DAAM2: variants seen among roughly 807,000 people sequenced by gnomAD.
DAAM2 encodes dishevelled associated activator of morphogenesis 2, also known as disheveled-associated activator of morphogenesis 2.
DAAM2 carries 39 observed loss-of-function variants against 120.7 expected under a neutral mutation model. The ratio of observed to expected loss-of-function variants is 0.32; its 90% CI spans 0.25 to 0.42. The LOEUF is 0.42. Ranked by LOEUF, DAAM2 falls within the 10% of genes least tolerant of loss-of-function variation. The pLI is 1.00. For synonymous variants in DAAM2, 488 were observed against 524.9 expected, an observed-to-expected ratio of 0.93 and a Z score of 0.96; for missense variants, 1,283 against 1,401.7, an observed-to-expected ratio of 0.92 and a Z score of 1.35.
intron 11 of DAAM2, among the ~76,000 whole-genome samples, chr6:39,876,857 TGAAGAG>T (rs1321656847): frequency 6.6e-6 from 1 of 152,174 alleles, no homozygotes; most frequent in Non-Finnish European, 1.5e-5. Context: ...TCCGACCCTC[TGAAGAG>T]GCAGCCTGGG....
chr6:39,883,706 C>T (rs1765240294), intron 14 of DAAM2: 1 of 434,710 alleles, frequency 2.3e-6, no homozygotes, highest in African/African-American at 2.0e-5. Context: ...CAGCACCCCC[C>T]ATGATTTCTA....
chr6:39,858,725 G>A (rs1421596601), intron 2 of DAAM2, among the ~76,000 whole-genome samples: 1 of 152,160 alleles, frequency 6.6e-6, no homozygotes, highest in Non-Finnish European at 1.5e-5. Flanking sequence ...GAGACGTACT[G>A]GAGACAGTGG....
intron 1 of DAAM2, among the ~76,000 whole-genome samples, chr6:39,815,684 A>ACACC (rs1338441212): frequency 3.5e-5 from 5 of 143,344 alleles, no homozygotes; most frequent in Admixed American, 7.0e-5. Flanking sequence ...ACACACACAC[A>ACACC]CCGTTTACAC....
At chr6:39,795,709 G>T (rs1761679846) in intron 1 of DAAM2, among the ~76,000 whole-genome samples, 1 of 152,132 alleles carries the variant, frequency 6.6e-6, no homozygotes, top group Non-Finnish European at 1.5e-5. Context: ...CTAGTGGGTG[G>T]AGTTTCTAGG....
At chr6:39,801,200 A>G (rs750148671) in intron 1 of DAAM2, among the ~76,000 whole-genome samples, 11 of 152,196 alleles carry the variant, frequency 7.2e-5, no homozygotes, top group Non-Finnish European at 1.6e-4. Flanking sequence ...AATTGTTGGT[A>G]GCTATGTCAG....
intron 5 of DAAM2, 88 bp downstream of exon 5, chr6:39,865,162 C>G (rs975944546): frequency 1.3e-6 from 1 of 788,306 alleles, no homozygotes; most frequent in Non-Finnish European, 2.2e-6. Context: ...GTGCTCTGCT[C>G]CCATGCCGGT....
chr6:39,883,310 T>C (rs1048063394), intron 14 of DAAM2, among the ~76,000 whole-genome samples: 1 of 151,934 alleles, frequency 6.6e-6, no homozygotes, highest in Non-Finnish European at 1.5e-5. Flanking sequence ...CATATCCCAG[T>C]TGTAAAGGAT....
chr6:39,897,799 G>C (rs1766203877), intron 21 of DAAM2, among the ~76,000 whole-genome samples: 1 of 152,148 alleles, frequency 6.6e-6, no homozygotes, highest in African/African-American at 2.4e-5. Flanking sequence ...AAATCAAAAT[G>C]CGCATGCTTT....
chr6:39,808,627 A>G (rs939886628), intron 1 of DAAM2, among the ~76,000 whole-genome samples: 1 of 152,164 alleles, frequency 6.6e-6, no homozygotes, highest in African/African-American at 2.4e-5. Context: ...CAGCTCTTTC[A>G]TGTCCCTTAC....
intron 10 of DAAM2, among the ~76,000 whole-genome samples, chr6:39,874,239 G>A (rs1489746876): frequency 1.3e-5 from 2 of 152,192 alleles, no homozygotes; most frequent in South Asian, 2.1e-4. Flanking sequence ...TGGTTTCTGC[G>A]GGGTCAAGGG....
intron 1 of DAAM2, among the ~76,000 whole-genome samples, chr6:39,812,082 G>A (rs760400940): frequency 1.5e-4 from 23 of 152,146 alleles, no homozygotes; most frequent in Non-Finnish European, 2.8e-4. Flanking sequence ...AACTAACAAA[G>A]GCTACCAAAG....
At chr6:39,797,663 A>C (rs758578763) in intron 1 of DAAM2, among the ~76,000 whole-genome samples, 2 of 152,210 alleles carry the variant, frequency 1.3e-5, no homozygotes, top group African/African-American at 2.4e-5. Context: ...TCTGAAGTCT[A>C]AGCTGAGAAT....
intron 1 of DAAM2, among the ~76,000 whole-genome samples, chr6:39,801,300 A>G (rs1032094775): frequency 6.6e-6 from 1 of 152,092 alleles, no homozygotes; most frequent in Non-Finnish European, 1.5e-5. Context: ...CTGTGGCAAA[A>G]CTGGGCAGAC....
intron 1 of DAAM2, among the ~76,000 whole-genome samples, chr6:39,805,911 T>C (rs904425752): frequency 6.6e-6 from 1 of 152,198 alleles, no homozygotes; most frequent in African/African-American, 2.4e-5. Context: ...TTTCTACCAT[T>C]ACGCTGTTCT....
chr6:39,834,458 C>T (rs981529760), intron 1 of DAAM2, among the ~76,000 whole-genome samples: 4 of 152,162 alleles, frequency 2.6e-5, no homozygotes, highest in South Asian at 2.1e-4. Flanking sequence ...AGCTCCTGTT[C>T]GCCGAGCCTG....
In DAAM2 at chr6:39,901,078, A is replaced by C. The variant is rs545923290; in HGVS notation, c.2812-224A>C. Among the ~76,000 whole-genome samples, 1 of 152,176 alleles carries C rather than the reference A, an allele frequency of 6.6e-6. No individual in the cohort carries two copies. The highest frequency in any genetic ancestry group is 2.1e-4 in the South Asian group (1 of 4,828). On this transcript the variant is annotated intron_variant, in intron 23 of 24. Transcript: ENST00000274867. This position sits in a 1 kb window ranked among gnomAD's most constrained non-coding sequence, Gnocchi z 4.5. The stretch of plus-strand genomic sequence containing the variant: ...CCTTACAGGCCCAGGGGTGGCTCTA[A>C]GGTGGACTGAGTGAGCCCAACTCTT...
intron 1 of DAAM2, among the ~76,000 whole-genome samples, chr6:39,825,166 GATC>G (rs1160066358): frequency 6.6e-6 from 1 of 152,118 alleles, no homozygotes; most frequent in Non-Finnish European, 1.5e-5. Context: ...AAGGCAGGAA[GATC>G]ACCTGAGGTC....
In DAAM2 at chr6:39,875,039, C is replaced by T. The variant is rs538661478; in HGVS notation, c.1163-291C>T. Among the ~76,000 whole-genome samples the T allele has an allele frequency of 2.5e-4, 38 of 151,980 alleles. 1 individual carries two copies. Among genetic ancestry groups the T allele is most frequent in the Non-Finnish European group, 4.6e-4 (31 of 68,012 alleles). On this transcript the variant is annotated intron_variant, in intron 10 of 24. Coordinates refer to ENST00000274867, the MANE Select transcript of DAAM2 (RefSeq NM_001201427.2). ...TCTGCACTTCCTGGGCATAGTATGC[C>T]CAGGGTCCAAACAAGGAAGAAAGGC...
intron 6 of DAAM2, 133 bp downstream of exon 6, chr6:39,867,976 T>G: frequency 1.3e-6 from 1 of 794,498 alleles, no homozygotes; most frequent in South Asian, 1.7e-5. Flanking sequence ...TGCCTGCTCC[T>G]GGAAGGTAAC....
Sources: allele counts gnomAD v4.1 joint callset (sites outside exome capture counted in the v4.1 genomes callset), GRCh38; gene constraint gnomAD v4.1.1; non-coding constraint Gnocchi (gnomAD v3.1); transcripts MANE v1.5; gene names NCBI Gene and HGNC (gene_info 2026-07-23, HGNC 2026-07-21).